Variants in IRAK1BP1 observed in about 807,000 individuals in gnomAD.
IRAK1BP1 encodes the protein interleukin 1 receptor associated kinase 1 binding protein 1.
Under a neutral mutation model 28.0 loss-of-function variants are expected in IRAK1BP1, and 24 were observed. The observed-to-expected ratio is 0.86, with a 90% CI of 0.62 to 1.20. The LOEUF is 1.20. Ranked by LOEUF, IRAK1BP1 falls within the 50% of genes most tolerant of loss-of-function variation. The pLI, the probability that IRAK1BP1 is intolerant of heterozygous loss-of-function variation, is 0.00. For synonymous variants in IRAK1BP1, 131 were observed against 116.3 expected, an observed-to-expected ratio of 1.13 and a Z score of -0.81; for missense variants, 336 against 316.7, an observed-to-expected ratio of 1.06 and a Z score of -0.46.
the IRAK1BP1 span, chr6:78,966,097 T>C: frequency 8.3e-7 from 1 of 1,203,786 alleles, no homozygotes; most frequent in Non-Finnish European, 1.2e-6. Context: ...CTGAAATGCA[T>C]GGCTGCTGTC....
At chr6:78,883,943 A>C (rs1313182672) in intron 1 of IRAK1BP1, among the ~76,000 whole-genome samples, 2 of 152,022 alleles carry the variant, frequency 1.3e-5, no homozygotes, top group Admixed American at 1.3e-4. Context: ...ATAAGGTTGG[A>C]TACTATCTAT....
chr6:78,869,261 T>C (rs181771243), intron 1 of IRAK1BP1, among the ~76,000 whole-genome samples: 14 of 152,366 alleles, frequency 9.2e-5, no homozygotes, highest in Admixed American at 8.5e-4. Flanking sequence ...GGCTCATGCC[T>C]GTAATGCCAA....
chr6:78,905,843 C>T (rs148525802), downstream of IRAK1BP1, among the ~76,000 whole-genome samples: 1,449 of 152,184 alleles, frequency 9.5e-3, 22 homozygotes, highest in African/African-American at 0.033. Context: ...CCTCGTGATC[C>T]ACCTGCCTCG....
the IRAK1BP1 span, among the ~76,000 whole-genome samples, chr6:78,964,363 C>G: frequency 6.6e-6 from 1 of 152,082 alleles, no homozygotes; most frequent in African/African-American, 2.4e-5. Context: ...TATTTTTTCT[C>G]TGACTTTGGA....
intron 2 of IRAK1BP1, among the ~76,000 whole-genome samples, chr6:78,893,312 GTGTA>G (rs1198135308): frequency 2.0e-4 from 13 of 64,206 alleles, no homozygotes; most frequent in African/African-American, 6.0e-4. Context: ...GTGTGTGTGT[GTGTA>G]TATATATATA....
chr6:78,956,523 T>G, the IRAK1BP1 span: 1 of 152,248 alleles, frequency 6.6e-6, no homozygotes, highest in African/African-American at 2.4e-5. Context: ...GTTAATATAC[T>G]TTCAACAGCC....
Position 78,898,100 on chromosome 6 carries a change from G to T in IRAK1BP1, c.549G>T (p.Trp183Cys), listed in dbSNP as rs377578647. 4 of 1,612,932 alleles carry T rather than the reference G, an allele frequency of 2.5e-6. No homozygotes were observed. Among genetic ancestry groups the T allele is most frequent in the Non-Finnish European group, 3.4e-6 (4 of 1,179,666 alleles). ...QACLVAVENA[W>C]RKAQEVCNLV... is the part of the protein sequence containing the mutation. Reference sequence around the variant, plus strand: ...GTCTTGTTGCTGTTGAGAATGCGTGGCGCAAAGCTCAAGAAGTCTGTAACC... The same window carrying T: ...GTCTTGTTGCTGTTGAGAATGCGTGTCGCAAAGCTCAAGAAGTCTGTAACC... The change falls in exon 4 of 4, where the codon TGG (tryptophan) becomes TGT (cysteine). Residue 183 changes from tryptophan (W) to cysteine (C), a missense_variant. Physicochemically the swap from Trp to Cys is radical, Grantham distance 215. Coordinates refer to ENST00000369940, the MANE Select transcript of IRAK1BP1 (RefSeq NM_001010844.4).
rs543979020 is a variant in IRAK1BP1 at position 78,897,390 on chromosome 6, A to G, written c.382-439A>G. On this transcript the variant is annotated intron_variant, in intron 2 of 3. Coordinates refer to ENST00000369940, the MANE Select transcript of IRAK1BP1 (RefSeq NM_001010844.4). Reference sequence around the variant, plus strand: ...GGCAGAAGACAGAGTGAAATACATTAGCTTCCACATATAGATCTGAACAGA... The same window carrying G: ...GGCAGAAGACAGAGTGAAATACATTGGCTTCCACATATAGATCTGAACAGA... 2.2e-4 allele frequency among the ~76,000 whole-genome samples: 34 copies of G among 152,252 alleles called. 1 individual carries two copies. In the South Asian group the frequency reaches 6.4e-3, roughly 29 times the overall value.
chr6:78,871,446 A>G (rs1770788376), intron 1 of IRAK1BP1: 2 of 985,544 alleles, frequency 2.0e-6, no homozygotes, highest in Middle Eastern at 1.0e-3. Context: ...TTTTTGCTTC[A>G]CAACAGACCA....
At chr6:78,942,933 T>A (rs1208194106) in intron 4 of IRAK1BP1, among the ~76,000 whole-genome samples, 2 of 152,164 alleles carry the variant, frequency 1.3e-5, no homozygotes, top group Non-Finnish European at 2.9e-5. Flanking sequence ...AAAAAGGAAT[T>A]CAGAAGTTTT....
intron 4 of IRAK1BP1, chr6:78,941,480 C>A: frequency 1.8e-6 from 1 of 547,282 alleles, no homozygotes; most frequent in Non-Finnish European, 3.2e-6. Flanking sequence ...CTAGAAAACA[C>A]TAATAGTTCA....
chr6:78,971,445 TAA>T, the IRAK1BP1 span, among the ~76,000 whole-genome samples: 1 of 152,214 alleles, frequency 6.6e-6, no homozygotes, highest in Non-Finnish European at 1.5e-5. Flanking sequence ...TTTAAAATGC[TAA>T]GTTTTTAGTA....
chr6:78,910,220 G>T (rs1362914417), intron 4 of IRAK1BP1, among the ~76,000 whole-genome samples: 2 of 152,156 alleles, frequency 1.3e-5, no homozygotes, highest in Non-Finnish European at 1.5e-5. Context: ...TGGACGGAGG[G>T]CACGGCAGGA....
chr6:78,888,873 T>G (rs938932849), intron 2 of IRAK1BP1, among the ~76,000 whole-genome samples: 1 of 151,926 alleles, frequency 6.6e-6, no homozygotes, highest in African/African-American at 2.4e-5. Context: ...ATCCCAGCAC[T>G]TTGGGAGGCT....
chr6:78,871,813 A>C (rs1351491581), intron 1 of IRAK1BP1: 1 of 389,176 alleles, frequency 2.6e-6, no homozygotes, highest in African/African-American at 2.1e-5. Context: ...ACAGTGGATA[A>C]TTGAGATTTT....
At chr6:78,936,899 G>T (rs1038493164) in intron 4 of IRAK1BP1, 1 of 151,696 alleles carries the variant, frequency 6.6e-6, no homozygotes, top group Admixed American at 6.6e-5. Flanking sequence ...GAAATTAGGG[G>T]AACTAAGGGA....
chr6:78,971,552 G>C, the IRAK1BP1 span, among the ~76,000 whole-genome samples: 1 of 152,138 alleles, frequency 6.6e-6, no homozygotes, highest in African/African-American at 2.4e-5. Flanking sequence ...GAACAGCTCC[G>C]GTCTACAGCT....
intron 4 of IRAK1BP1, chr6:78,941,269 C>T (rs781149263): frequency 6.2e-7 from 1 of 1,613,338 alleles, no homozygotes; most frequent in Non-Finnish European, 8.5e-7. Flanking sequence ...GTTTTGATGG[C>T]TGTCCTCCAT....
At chr6:78,958,350 G>C in the IRAK1BP1 span, 1 of 617,880 alleles carries the variant, frequency 1.6e-6, no homozygotes, top group Non-Finnish European at 2.8e-6. Flanking sequence ...TGCTCTCCCA[G>C]CTGAGCTATT....
Sources: allele counts gnomAD v4.1 joint callset (sites outside exome capture counted in the v4.1 genomes callset), GRCh38; gene constraint gnomAD v4.1.1; transcripts MANE v1.5; gene names NCBI Gene and HGNC (gene_info 2026-07-23, HGNC 2026-07-21).